Variants in TCF12 observed in about 807,000 individuals in gnomAD.
TCF12 encodes transcription factor 12, also known as DNA-binding protein HTF4.
Under a neutral mutation model 86.0 loss-of-function variants are expected in TCF12, and 45 were observed. That is an observed-to-expected ratio of 0.52 (90% CI 0.41 to 0.67). The LOEUF (loss-of-function observed/expected upper bound fraction) is 0.67. TCF12 is among the 30% of genes least tolerant of loss of function. The pLI, the probability that TCF12 is intolerant of heterozygous loss-of-function variation, is 0.00. For missense variants in TCF12, 881 were observed against 859.9 expected, an observed-to-expected ratio of 1.02 and a Z score of -0.31; for synonymous variants, 330 against 299.6, an observed-to-expected ratio of 1.10 and a Z score of -1.05.
intron 3 of TCF12, among the ~76,000 whole-genome samples, chr15:57,049,587 A>G (rs143078947): frequency 2.0e-5 from 3 of 152,310 alleles, no homozygotes; most frequent in African/African-American, 7.2e-5. Context: ...GTATCAATAA[A>G]CCATCATACA....
At chr15:57,122,903 A>G (rs2051339233) in intron 5 of TCF12, among the ~76,000 whole-genome samples, 1 of 152,232 alleles carries the variant, frequency 6.6e-6, no homozygotes, top group African/African-American at 2.4e-5. Flanking sequence ...TATTCTTTCT[A>G]CATAAAATAG....
chr15:57,170,650 T>G (rs55668335), intron 6 of TCF12, among the ~76,000 whole-genome samples: 2 of 45,510 alleles, frequency 4.4e-5, no homozygotes, highest in Non-Finnish European at 7.9e-5. Flanking sequence ...ATAATATATA[T>G]ATTATATAAA....
chr15:57,175,523 G>GA (rs1201866261), intron 6 of TCF12, among the ~76,000 whole-genome samples: 1 of 152,138 alleles, frequency 6.6e-6, no homozygotes, highest in African/African-American at 2.4e-5. Flanking sequence ...TTTGTAACAA[G>GA]ATTACACTGG....
intron 5 of TCF12, among the ~76,000 whole-genome samples, chr15:57,125,527 G>C (rs2051580111): frequency 6.6e-6 from 1 of 152,176 alleles, no homozygotes; most frequent in Non-Finnish European, 1.5e-5. Context: ...TTACATATTA[G>C]CCTTTAAACT....
chr15:57,206,731 G>A (rs534930015), intron 8 of TCF12, among the ~76,000 whole-genome samples: 125 of 151,502 alleles, frequency 8.3e-4, no homozygotes, highest in African/African-American at 2.8e-3. Flanking sequence ...GAGGTGGAGA[G>A]TTTATTGTAT....
At chr15:57,219,153 C>T in intron 8 of TCF12, 1 of 1,068,232 alleles carries the variant, frequency 9.4e-7, no homozygotes, top group Non-Finnish European at 1.1e-6. Flanking sequence ...TGTCAGTATG[C>T]CTTCCTTTTG....
chr15:57,019,039 T>A (rs2065315969), intron 3 of TCF12, among the ~76,000 whole-genome samples: 1 of 152,146 alleles, frequency 6.6e-6, no homozygotes, highest in South Asian at 2.1e-4. Context: ...CCAAACTGTT[T>A]TTGGAATTTG....
intron 5 of TCF12, among the ~76,000 whole-genome samples, chr15:57,132,965 AAAGCCAGTGACTCTACATTTAAATTTTT>A (rs2052247201): frequency 6.6e-6 from 1 of 152,224 alleles, no homozygotes; most frequent in African/African-American, 2.4e-5. Context: ...TGAGGAAAAC[AAAGCCAGTGACTCTACATTTAAATTTTT>A]TTCATGGTCA....
At chr15:57,154,959 TC>T (rs1367128825) in intron 5 of TCF12, among the ~76,000 whole-genome samples, 1 of 152,210 alleles carries the variant, frequency 6.6e-6, no homozygotes, top group Non-Finnish European at 1.5e-5. Context: ...TTGTCACTGT[TC>T]CACGCACTTA....
intron 3 of TCF12, among the ~76,000 whole-genome samples, chr15:56,942,085 A>G (rs1417681664): frequency 6.6e-6 from 1 of 152,062 alleles, no homozygotes; most frequent in African/African-American, 2.4e-5. Context: ...AAACTTCCAG[A>G]TTTCTGAGAT....
rs992748455 is a variant in TCF12, at chr15:57,232,556, G to T, written c.825+126G>T. On this transcript the variant is annotated intron_variant, in intron 10 of 20. Transcript: ENST00000333725. ...AGTTTGAAGTACTTCAAGGCTTACC[G>T]CGTTTACCATGCCTTTCTAAAAAAT... The T allele has an allele frequency of 1.1e-5, 16 of 1,464,352 alleles. No homozygotes were observed. In the African/African-American group the frequency reaches 2.0e-4, roughly 18 times the overall value. 90.7% of individuals were successfully genotyped at this position (1,464,352 alleles called of 1,614,324 possible). A position where few individuals can be genotyped will look rare whatever the true frequency, so the allele number is the denominator to read the frequency against.
intron 3 of TCF12, among the ~76,000 whole-genome samples, chr15:57,017,728 T>TTC (rs1339188373): frequency 2.7e-4 from 39 of 145,776 alleles, no homozygotes; most frequent in East Asian, 2.0e-3. Context: ...TTTTCTTTCT[T>TTC]TTTTTTTTTT....
rs1596064203 is a variant in TCF12 at position 57,004,065 on chromosome 15, T to G, written c.149-59685T>G. ...GTTTTTGTTTTTTTTTCCTCAGTGATGTAATTTCTATAAAGAGTGACTCTC... is the reference window on the plus strand; with the variant it reads ...GTTTTTGTTTTTTTTTCCTCAGTGAGGTAATTTCTATAAAGAGTGACTCTC... On this transcript the variant is annotated intron_variant, in intron 3 of 20. Transcript: ENST00000333725. 1.3e-5 allele frequency among the ~76,000 whole-genome samples: 2 copies of G among 152,164 alleles called. 1 individual carries two copies. Among genetic ancestry groups the G allele is most frequent in the South Asian group, 4.1e-4 (2 of 4,820 alleles).
intron 3 of TCF12, among the ~76,000 whole-genome samples, chr15:57,054,299 G>A (rs904101071): frequency 9.2e-5 from 14 of 152,146 alleles, no homozygotes; most frequent in African/African-American, 3.4e-4. Flanking sequence ...TAGGTAATCA[G>A]CAAAAATTCA....
rs531616522 is a variant in TCF12, at chr15:57,239,046, G to A, written c.1036-4426G>A. Among the ~76,000 whole-genome samples, 10 of 152,232 alleles carry A rather than the reference G, an allele frequency of 6.6e-5. No homozygotes were observed. In the South Asian group the frequency reaches 2.1e-3, roughly 32 times the overall value. ...AAAAAAATATTTTGTTTGCATAATAGGGTATGTAGGTTAAAAGTAGACTAT... is the reference window on the plus strand; with the variant it reads ...AAAAAAATATTTTGTTTGCATAATAAGGTATGTAGGTTAAAAGTAGACTAT... On this transcript the variant is annotated intron_variant, in intron 12 of 20. Coordinates refer to ENST00000333725, the MANE Select transcript of TCF12 (RefSeq NM_207037.2).
intron 3 of TCF12, among the ~76,000 whole-genome samples, chr15:57,056,465 T>G (rs1165307050): frequency 6.6e-6 from 1 of 151,832 alleles, no homozygotes; most frequent in African/African-American, 2.4e-5. Context: ...TTTAATTAAT[T>G]TATTTATTTA....
intron 19 of TCF12, 46 bp from the exon 20 acceptor site, chr15:57,282,399 C>A: frequency 6.2e-7 from 1 of 1,611,562 alleles, no homozygotes; most frequent in South Asian, 1.1e-5. Context: ...AGACCTAATT[C>A]ATAACTTAAA....
At chr15:56,921,722 T>C (rs947923948) in intron 3 of TCF12, among the ~76,000 whole-genome samples, 8 of 152,048 alleles carry the variant, frequency 5.3e-5, no homozygotes, top group Non-Finnish European at 1.0e-4. Context: ...GTCAAATCTC[T>C]GGGCTGAAAC....
At chr15:57,267,172 G>A (rs1275324036) in intron 18 of TCF12, among the ~76,000 whole-genome samples, 1 of 152,080 alleles carries the variant, frequency 6.6e-6, no homozygotes, top group African/African-American at 2.4e-5. Flanking sequence ...TCTTTGTGTT[G>A]AATTATGGTG....
Sources: gnomAD v4.1 joint callset for allele counts (sites outside exome capture counted in the v4.1 genomes callset) on GRCh38, gnomAD v4.1.1 for gene constraint, MANE v1.5 for transcripts, NCBI Gene and HGNC (gene_info 2026-07-23, HGNC 2026-07-21) for gene names.